DGKB: variants seen among roughly 807,000 people sequenced by gnomAD.
DGKB encodes diacylglycerol kinase beta, also known as 90 kDa diacylglycerol kinase.
Under a neutral mutation model 114.3 loss-of-function variants are expected in DGKB, and 67 were observed. The observed-to-expected ratio is 0.59, with a 90% CI of 0.48 to 0.72. DGKB has a LOEUF of 0.72. Among genes scored for constraint, DGKB ranks in the 30% least tolerant of loss-of-function variants. The probability of loss-of-function intolerance (pLI) is 0.00; values close to 1 mark genes in which losing one functional copy is unlikely to be tolerated. For missense variants in DGKB, 907 were observed against 975.2 expected, an observed-to-expected ratio of 0.93 and a Z score of 0.93; for synonymous variants, 398 against 323.1, an observed-to-expected ratio of 1.23 and a Z score of -2.49.
intron 21 of DGKB, among the ~76,000 whole-genome samples, chr7:14,453,971 T>C (rs1831904769): frequency 6.6e-6 from 1 of 152,162 alleles, no homozygotes; most frequent in Non-Finnish European, 1.5e-5. Context: ...AATTAAGGGT[T>C]TTCTTGGAAG....
rs115114521 is a variant in DGKB, at chr7:14,437,211, A to T, written c.1835+40950T>A. Among the ~76,000 whole-genome samples the T allele has an allele frequency of 2.9e-3, 443 of 152,162 alleles. 2 individuals carry two copies. The highest frequency in any genetic ancestry group is 0.01 in the African/African-American group (418 of 41,558). On this transcript the variant is annotated intron_variant, in intron 21 of 25. Coordinates refer to ENST00000402815, the MANE Select transcript of DGKB (RefSeq NM_001350709.2). ...GCAAGAACAACAACAATAAGAAAAA[A>T]CTTTATATCAGTCCCAGAAAAAGTG...
At chr7:14,347,935 A>T (rs746616324) in intron 21 of DGKB, among the ~76,000 whole-genome samples, 1 of 152,080 alleles carries the variant, frequency 6.6e-6, no homozygotes, top group Non-Finnish European at 1.5e-5. Context: ...GGGGAATAAT[A>T]AATAGACATT....
chr7:14,710,820 A>G (rs73272158), intron 6 of DGKB, among the ~76,000 whole-genome samples: 14,466 of 152,080 alleles, frequency 0.095, 1,338 homozygotes, highest in African/African-American at 0.25. Context: ...TCTAAAGTTA[A>G]GTCAAATTTA....
chr7:14,920,673 T>C (rs987990338), intron 1 of DGKB, among the ~76,000 whole-genome samples: 1 of 152,166 alleles, frequency 6.6e-6, no homozygotes, highest in African/African-American at 2.4e-5. Context: ...TGAAAACTTA[T>C]GTCCACACAA....
Position 14,203,430 on chromosome 7 carries a change from T to A in DGKB, c.2123-25279A>T, listed in dbSNP as rs80333725. Among the ~76,000 whole-genome samples the A allele has an allele frequency of 8.5e-5, 13 of 152,126 alleles. No individual in the cohort carries two copies. The East Asian group carries it at 2.5e-3, about 30-fold the overall frequency. ...TGATGAATATATTCCAAAGCAGCAATGATTCACCTCTGTTCAGAGAAGAGT... is the reference window on the plus strand; with the variant it reads ...TGATGAATATATTCCAAAGCAGCAAAGATTCACCTCTGTTCAGAGAAGAGT... On this transcript the variant is annotated intron_variant, in intron 23 of 25. Coordinates refer to ENST00000402815, the MANE Select transcript of DGKB (RefSeq NM_001350709.2).
At chr7:14,737,283 ATTTTTTTTTTTTT>A (rs11348925) in intron 4 of DGKB, among the ~76,000 whole-genome samples, 1 of 82,504 alleles carries the variant, frequency 1.2e-5, no homozygotes. Flanking sequence ...TTGAAGGCCA[ATTTTTTTTTTTTT>A]TTTTTTTTTT....
chr7:14,655,005 G>T (rs1023647445), intron 13 of DGKB, among the ~76,000 whole-genome samples: 29 of 151,876 alleles, frequency 1.9e-4, no homozygotes, highest in African/African-American at 7.0e-4. Context: ...AAAGGCACAG[G>T]TACCAAAAAG....
intron 17 of DGKB, among the ~76,000 whole-genome samples, chr7:14,598,683 C>G (rs1348516906): frequency 1.3e-5 from 2 of 152,024 alleles, no homozygotes; most frequent in Non-Finnish European, 2.9e-5. Context: ...TATTTTTAAG[C>G]TATCTTTTGC....
At chr7:14,342,329 C>T (rs1811739717) in intron 22 of DGKB, among the ~76,000 whole-genome samples, 1 of 151,786 alleles carries the variant, frequency 6.6e-6, no homozygotes, top group Admixed American at 6.6e-5. Context: ...ATTAACTTTG[C>T]CTGGTACTCT....
At chr7:14,599,823 C>A (rs1803228313) in intron 17 of DGKB, among the ~76,000 whole-genome samples, 1 of 152,018 alleles carries the variant, frequency 6.6e-6, no homozygotes. Context: ...GGTAAGCTAT[C>A]ATCAGTTAAC....
chr7:14,917,340 A>C (rs1401558423), intron 1 of DGKB, among the ~76,000 whole-genome samples: 1 of 152,104 alleles, frequency 6.6e-6, no homozygotes. Flanking sequence ...TGAAAGCAAA[A>C]GTTAGATCTT....
chr7:14,739,151 TTAATATC>T (rs1832168706), intron 4 of DGKB, among the ~76,000 whole-genome samples: 2 of 152,238 alleles, frequency 1.3e-5, no homozygotes, highest in African/African-American at 4.8e-5. Flanking sequence ...AAAATGAACT[TTAATATC>T]TAACGATAGA....
At chr7:14,265,616 C>T (rs1797395334) in intron 23 of DGKB, among the ~76,000 whole-genome samples, 2 of 151,988 alleles carry the variant, frequency 1.3e-5, no homozygotes, top group Non-Finnish European at 1.5e-5. Flanking sequence ...CTCATCCTTG[C>T]TCTAATAATT....
chr7:14,214,052 C>G (rs940454558), intron 23 of DGKB, among the ~76,000 whole-genome samples: 6 of 152,014 alleles, frequency 3.9e-5, no homozygotes, highest in Middle Eastern at 3.2e-3. Context: ...CACTTTTGTT[C>G]ATCTCTGATG....
chr7:14,886,693 C>G (rs922676357), intron 1 of DGKB, among the ~76,000 whole-genome samples: 1 of 151,862 alleles, frequency 6.6e-6, no homozygotes, highest in African/African-American at 2.4e-5. Flanking sequence ...CCTTTATTAC[C>G]ACAATAGCTG....
intron 13 of DGKB, among the ~76,000 whole-genome samples, chr7:14,647,886 C>T (rs10238594): frequency 0.022 from 3,318 of 152,302 alleles, 113 homozygotes; most frequent in African/African-American, 0.076. Flanking sequence ...GGGTGACGGA[C>T]AGCACCTGGA....
chr7:14,244,842 G>A (rs1036543802), intron 23 of DGKB, among the ~76,000 whole-genome samples: 3 of 151,934 alleles, frequency 2.0e-5, no homozygotes, highest in Non-Finnish European at 4.4e-5. Context: ...TCCCTCACTA[G>A]ACACCAAATA....
At chr7:14,643,071 G>C (rs983802139) in intron 13 of DGKB, among the ~76,000 whole-genome samples, 2 of 152,122 alleles carry the variant, frequency 1.3e-5, no homozygotes, top group African/African-American at 4.8e-5. Context: ...AAATCAAATG[G>C]AGCATCTAAG....
At position 14,478,183 on chromosome 7, in the gene DGKB, G is replaced by C. The variant is rs1179542910; in HGVS notation, c.1813C>G (p.His605Asp). The change falls in exon 21 of 26, where the codon CAC (histidine) becomes GAC (aspartate). Residue 605 changes from histidine (H) to aspartate (D), a missense_variant. Physicochemically the swap from His to Asp is moderately conservative, Grantham distance 81. Around this residue, in one of 3 missense-constraint regions of DGKB, gnomAD observed 814 missense variants for 856.6 expected, o/e 0.95. Coordinates refer to ENST00000402815, the MANE Select transcript of DGKB (RefSeq NM_001350709.2). ...TACCTACTGTTGAATTTCTCTGGGT[G>C]TTTTTCTCTCATGATGTGGAATCTG... ...AHRFHIMREK[H>D]PEKFNSRMKN... 4 of 1,603,332 alleles carry C rather than the reference G, an allele frequency of 2.5e-6. No homozygotes were observed. The highest frequency in any genetic ancestry group is 3.4e-6 in the Non-Finnish European group (4 of 1,173,722).
Sources: gnomAD v4.1 joint callset for allele counts (sites outside exome capture counted in the v4.1 genomes callset) on GRCh38, gnomAD v4.1.1 for gene constraint, gnomAD v4.1.1 regional missense constraint, MANE v1.5 for transcripts, NCBI Gene and HGNC (gene_info 2026-07-23, HGNC 2026-07-21) for gene names.